INSL6: variants seen among roughly 807,000 people sequenced by gnomAD.
INSL6 encodes the protein insulin like 6.
Under a neutral mutation model 9.4 loss-of-function variants are expected in INSL6, and 16 were observed. The observed-to-expected ratio is 1.70, with a 90% CI of 1.15 to 2.59. The LOEUF is 2.59. INSL6 is among the 30% of genes most tolerant of loss of function. The probability of loss-of-function intolerance (pLI) is 0.00; values close to 1 mark genes in which losing one functional copy is unlikely to be tolerated. For synonymous variants in INSL6, 154 were observed against 96.9 expected (o/e 1.59, Z -3.46); for missense variants, 391 against 257.3 (o/e 1.52, Z -3.56).
At chr9:5,012,754 A>T in the INSL6 span, among the ~76,000 whole-genome samples, 7 of 152,184 alleles carry the variant, frequency 4.6e-5, no homozygotes, top group Non-Finnish European at 8.8e-5. Flanking sequence ...TGAAGCCTAT[A>T]ATTTAGTAGT....
chr9:5,105,620 C>T, the INSL6 span, among the ~76,000 whole-genome samples: 4 of 152,222 alleles, frequency 2.6e-5, no homozygotes, highest in East Asian at 7.7e-4. Context: ...CATCCTAAGC[C>T]AAAAGAACAA....
the INSL6 span, among the ~76,000 whole-genome samples, chr9:5,037,350 T>C: frequency 7.9e-5 from 12 of 152,304 alleles, no homozygotes; most frequent in South Asian, 1.5e-3. Flanking sequence ...AGCCATCCCA[T>C]TACTGGGTAT....
intron 1 of INSL6, among the ~76,000 whole-genome samples, chr9:5,185,056 C>T (rs1825537072): frequency 6.6e-6 from 1 of 152,106 alleles, no homozygotes; most frequent in Non-Finnish European, 1.5e-5. Context: ...TGCCAGATGA[C>T]TGGCACTCCA....
intron 1 of INSL6, among the ~76,000 whole-genome samples, chr9:5,167,683 G>C (rs1198852830): frequency 6.6e-6 from 1 of 152,184 alleles, no homozygotes; most frequent in East Asian, 1.9e-4. Flanking sequence ...AGTCTTTCCT[G>C]CCTACTGGCT....
At chr9:5,082,179 G>A in the INSL6 span, among the ~76,000 whole-genome samples, 1 of 152,188 alleles carries the variant, frequency 6.6e-6, no homozygotes, top group Non-Finnish European at 1.5e-5. Context: ...TGGAGGACCC[G>A]CACCAACACT....
intron 3 of INSL6, among the ~76,000 whole-genome samples, chr9:5,125,053 C>G (rs1404811889): frequency 6.6e-5 from 10 of 150,976 alleles, no homozygotes; most frequent in Non-Finnish European, 1.2e-4. Context: ...AATAAACCTT[C>G]CAAAGTAATT....
chr9:5,167,845 G>A (rs1294941445), intron 1 of INSL6, among the ~76,000 whole-genome samples: 1 of 152,146 alleles, frequency 6.6e-6, no homozygotes, highest in African/African-American at 2.4e-5. Context: ...GCACCCCTCT[G>A]GGACAAAGTT....
intron 3 of INSL6, chr9:5,132,236 T>C (rs148730850): frequency 6.6e-5 from 10 of 152,346 alleles, no homozygotes; most frequent in African/African-American, 2.2e-4. Flanking sequence ...GAGACTTTAC[T>C]GTACAGAACA....
the INSL6 span, among the ~76,000 whole-genome samples, chr9:5,077,250 G>A: frequency 6.7e-6 from 1 of 150,114 alleles, no homozygotes; most frequent in South Asian, 2.1e-4. Flanking sequence ...TAATTGTTTA[G>A]ACTCCTACTC....
intron 3 of INSL6, among the ~76,000 whole-genome samples, chr9:5,129,307 A>T (rs899463369): frequency 1.3e-5 from 2 of 151,994 alleles, no homozygotes; most frequent in African/African-American, 4.8e-5. Flanking sequence ...TTTCTTTTGC[A>T]TTTTTACCTA....
chr9:5,154,869 T>C (rs1254110405), intron 2 of INSL6, among the ~76,000 whole-genome samples: 43 of 152,164 alleles, frequency 2.8e-4, no homozygotes, highest in Admixed American at 2.8e-3. Context: ...ACTTTTACAC[T>C]GTTGGTGGGA....
chr9:5,127,266 T>C (rs926948095), intron 3 of INSL6: 1 of 232,580 alleles, frequency 4.3e-6, no homozygotes, highest in East Asian at 6.0e-5. Context: ...CCATAGTTAA[T>C]CTATAATTAA....
the INSL6 span, among the ~76,000 whole-genome samples, chr9:5,033,624 C>A: frequency 3.3e-5 from 5 of 152,188 alleles, no homozygotes; most frequent in South Asian, 2.1e-4. Flanking sequence ...CCCAGAATGT[C>A]ATATCCAGCC....
chr9:5,052,102 C>T, the INSL6 span, among the ~76,000 whole-genome samples: 1 of 152,058 alleles, frequency 6.6e-6, no homozygotes, highest in African/African-American at 2.4e-5. Flanking sequence ...CAGGGGAACA[C>T]AGTTGAAGAA....
At chr9:5,144,607 G>T (rs376351095) in intron 2 of INSL6, among the ~76,000 whole-genome samples, 1 of 152,044 alleles carries the variant, frequency 6.6e-6, no homozygotes, top group Admixed American at 6.6e-5. Flanking sequence ...ATTGTGTGGC[G>T]GTCTAAGTCT....
chr9:5,084,686 A>G, the INSL6 span, among the ~76,000 whole-genome samples: 3 of 152,052 alleles, frequency 2.0e-5, no homozygotes, highest in Admixed American at 6.5e-5. Flanking sequence ...TTCTTTTTTA[A>G]ATTAATTTTA....
the INSL6 span, among the ~76,000 whole-genome samples, chr9:5,088,918 T>C: frequency 6.6e-6 from 1 of 152,184 alleles, no homozygotes. Context: ...GGTTAAGGCT[T>C]CATTATATAA....
chr9:5,058,240 C>G, the INSL6 span, among the ~76,000 whole-genome samples: 3 of 152,152 alleles, frequency 2.0e-5, no homozygotes, highest in Non-Finnish European at 4.4e-5. Context: ...TATAAAGATA[C>G]TACCTGGGAC....
the INSL6 span, among the ~76,000 whole-genome samples, chr9:5,118,386 ATAAG>A: frequency 2.6e-5 from 4 of 152,220 alleles, no homozygotes; most frequent in Admixed American, 1.3e-4. Flanking sequence ...AGATATGTAT[ATAAG>A]TAAGTTGAAA....
Sources: allele counts gnomAD v4.1 joint callset (sites outside exome capture counted in the v4.1 genomes callset), GRCh38; gene constraint gnomAD v4.1.1; transcripts MANE v1.5; gene names NCBI Gene and HGNC (gene_info 2026-07-23, HGNC 2026-07-21).